Variants in SLC24A2 observed in about 807,000 individuals in gnomAD.
The protein encoded by SLC24A2 is sodium/potassium/calcium exchanger 2.
In SLC24A2, 36 loss-of-function variants were observed where a neutral mutation model predicts 62.0. That is an observed-to-expected ratio of 0.58 (90% confidence interval 0.44 to 0.77). The LOEUF is 0.77. SLC24A2 is among the 30% of genes least tolerant of loss of function. The pLI is 0.00. For synonymous variants in SLC24A2, 358 were observed against 294.0 expected (o/e 1.22, Z -2.23); for missense variants, 846 against 817.9 (o/e 1.03, Z -0.42).
chr9:20,261,796 G>C, the SLC24A2 span, among the ~76,000 whole-genome samples: 1 of 123,256 alleles, frequency 8.1e-6, no homozygotes, highest in East Asian at 2.8e-4. Flanking sequence ...CTGGAGTGCA[G>C]TGGCACGATC....
chr9:19,524,509 A>T (rs192307792), intron 9 of SLC24A2, among the ~76,000 whole-genome samples: 9 of 152,272 alleles, frequency 5.9e-5, no homozygotes, highest in Non-Finnish European at 1.3e-4. Flanking sequence ...CAAATTATCA[A>T]ATAGCATTTA....
At chr9:20,211,821 T>A in the SLC24A2 span, among the ~76,000 whole-genome samples, 1 of 151,352 alleles carries the variant, frequency 6.6e-6, no homozygotes, top group South Asian at 2.1e-4. Context: ...CTCAAAATAT[T>A]TGTGTTTGTG....
intron 8 of SLC24A2, among the ~76,000 whole-genome samples, chr9:19,539,461 T>C (rs1344996918): frequency 1.3e-5 from 2 of 151,562 alleles, no homozygotes; most frequent in Non-Finnish European, 2.9e-5. Context: ...TTTCATTATG[T>C]ACCCAGTAGT....
intron 2 of SLC24A2, among the ~76,000 whole-genome samples, chr9:19,700,640 T>A (rs1820329882): frequency 6.6e-6 from 1 of 152,050 alleles, no homozygotes; most frequent in South Asian, 2.1e-4. Flanking sequence ...GCAGGCAGAG[T>A]AGGAAGGGTA....
chr9:19,737,538 A>G (rs917884328), intron 2 of SLC24A2, among the ~76,000 whole-genome samples: 8 of 152,112 alleles, frequency 5.3e-5, no homozygotes, highest in Non-Finnish European at 8.8e-5. Context: ...TATCCATATA[A>G]TCGGTACACT....
At chr9:19,647,877 G>A (rs1818688993) in intron 2 of SLC24A2, among the ~76,000 whole-genome samples, 1 of 152,202 alleles carries the variant, frequency 6.6e-6, no homozygotes. Context: ...TATCTCACTT[G>A]AGTTGGACAA....
chr9:19,587,400 A>G (rs1836406841), intron 5 of SLC24A2, among the ~76,000 whole-genome samples: 1 of 152,150 alleles, frequency 6.6e-6, no homozygotes, highest in Non-Finnish European at 1.5e-5. Context: ...ATGTCTATGA[A>G]TTTTCACTTA....
At chr9:19,982,640 C>A in the SLC24A2 span, among the ~76,000 whole-genome samples, 4 of 152,080 alleles carry the variant, frequency 2.6e-5, no homozygotes, top group African/African-American at 7.2e-5. Flanking sequence ...TTCTCAAATG[C>A]GTCTGAAAAA....
At chr9:20,263,617 A>C in the SLC24A2 span, among the ~76,000 whole-genome samples, 1 of 152,182 alleles carries the variant, frequency 6.6e-6, no homozygotes, top group East Asian at 1.9e-4. Context: ...GGGCACCTTC[A>C]CACTGTGCTT....
At chr9:19,696,459 G>C (rs1041592176) in intron 2 of SLC24A2, among the ~76,000 whole-genome samples, 1 of 152,186 alleles carries the variant, frequency 6.6e-6, no homozygotes, top group African/African-American at 2.4e-5. Flanking sequence ...TGTACGCCAT[G>C]CTTGTCCTTG....
chr9:20,291,704 G>T, the SLC24A2 span, among the ~76,000 whole-genome samples: 80 of 152,194 alleles, frequency 5.3e-4, no homozygotes, highest in Non-Finnish European at 9.0e-4. Flanking sequence ...AAAATAATTT[G>T]GGGATATATT....
chr9:20,185,103 G>A, the SLC24A2 span, among the ~76,000 whole-genome samples: 1 of 152,102 alleles, frequency 6.6e-6, no homozygotes, highest in African/African-American at 2.4e-5. Context: ...GAGGGATGTT[G>A]GGGAGATGTT....
chr9:19,734,758 C>T (rs12686444), intron 2 of SLC24A2, among the ~76,000 whole-genome samples: 1,586 of 147,522 alleles, frequency 0.011, 34 homozygotes, highest in East Asian at 0.1. Context: ...CTGAAGTTGC[C>T]TATCAGCTTA....
chr9:19,904,445 G>A, the SLC24A2 span, among the ~76,000 whole-genome samples: 1 of 152,154 alleles, frequency 6.6e-6, no homozygotes, highest in African/African-American at 2.4e-5. Context: ...AAAGACATCT[G>A]AATTTTTGAA....
At chr9:19,917,954 T>C in the SLC24A2 span, among the ~76,000 whole-genome samples, 1 of 152,150 alleles carries the variant, frequency 6.6e-6, no homozygotes, top group Non-Finnish European at 1.5e-5. Context: ...AGTGCTTGTT[T>C]TGCTATTAAG....
chr9:19,854,328 T>C, the SLC24A2 span, among the ~76,000 whole-genome samples: 6 of 152,192 alleles, frequency 3.9e-5, no homozygotes, highest in African/African-American at 1.4e-4. Context: ...GCTTAGTTAT[T>C]TCTTGTCTTC....
chr9:19,829,552 T>C, the SLC24A2 span, among the ~76,000 whole-genome samples: 8 of 151,822 alleles, frequency 5.3e-5, no homozygotes, highest in Non-Finnish European at 1.5e-5. Context: ...TCAGGAAATT[T>C]CTTTCTTTTT....
At chr9:20,296,019 T>C in the SLC24A2 span, among the ~76,000 whole-genome samples, 1 of 152,212 alleles carries the variant, frequency 6.6e-6, no homozygotes, top group Non-Finnish European at 1.5e-5. Flanking sequence ...TACAACATAA[T>C]GGAAGAGATC....
chr9:19,633,201 T>A (rs760123991), intron 2 of SLC24A2, among the ~76,000 whole-genome samples: 1 of 152,252 alleles, frequency 6.6e-6, no homozygotes, highest in Non-Finnish European at 1.5e-5. Flanking sequence ...GATCTGCATG[T>A]TGAAAGGCAT....
Sources: allele counts gnomAD v4.1 joint callset (sites outside exome capture counted in the v4.1 genomes callset), GRCh38; gene constraint gnomAD v4.1.1; transcripts MANE v1.5; gene names NCBI Gene and HGNC (gene_info 2026-07-23, HGNC 2026-07-21).